ARHGAP15: variants seen among roughly 807,000 people sequenced by gnomAD.
ARHGAP15 encodes the protein Rho GTPase activating protein 15.
Under a neutral mutation model 63.7 loss-of-function variants are expected in ARHGAP15, and 51 were observed. That is an observed-to-expected ratio of 0.80 (90% confidence interval 0.64 to 1.01). The LOEUF (loss-of-function observed/expected upper bound fraction) is 1.01, where lower values mean the gene tolerates loss of function less well. Among genes scored for constraint, ARHGAP15 ranks in the 50% least tolerant of loss-of-function variants. The pLI, the probability that ARHGAP15 is intolerant of heterozygous loss-of-function variation, is 0.00. For missense variants in ARHGAP15, 560 were observed against 564.6 expected (o/e 0.99, Z 0.08); for synonymous variants, 191 against 193.8 (o/e 0.99, Z 0.12).
chr2:143,222,492 T>A (rs535299839), intron 4 of ARHGAP15, among the ~76,000 whole-genome samples: 29 of 152,330 alleles, frequency 1.9e-4, no homozygotes, highest in African/African-American at 6.5e-4. Context: ...AATGAATGTG[T>A]TAAACCCGGA....
intron 12 of ARHGAP15, among the ~76,000 whole-genome samples, chr2:143,678,303 C>T (rs1174605797): frequency 6.6e-6 from 1 of 152,160 alleles, no homozygotes; most frequent in Non-Finnish European, 1.5e-5. Context: ...TTCTTTTAGA[C>T]CAAGCTTAAC....
intron 5 of ARHGAP15, among the ~76,000 whole-genome samples, chr2:143,246,309 A>G (rs972319812): frequency 1.3e-5 from 2 of 152,006 alleles, no homozygotes; most frequent in African/African-American, 4.8e-5. Flanking sequence ...AGAGGAAGCT[A>G]TCATTAAACT....
chr2:143,375,448 G>C (rs1346288441), intron 6 of ARHGAP15, among the ~76,000 whole-genome samples: 1 of 152,030 alleles, frequency 6.6e-6, no homozygotes, highest in African/African-American at 2.4e-5. Flanking sequence ...AAGTACCCTG[G>C]GAATCACAGT....
At chr2:143,251,109 T>C (rs1319152103) in intron 6 of ARHGAP15, among the ~76,000 whole-genome samples, 1 of 152,082 alleles carries the variant, frequency 6.6e-6, no homozygotes, top group Non-Finnish European at 1.5e-5. Flanking sequence ...AGTTGATTAA[T>C]AATTGCAATC....
intron 10 of ARHGAP15, among the ~76,000 whole-genome samples, chr2:143,541,022 T>A (rs968456149): frequency 3.9e-5 from 6 of 152,186 alleles, no homozygotes; most frequent in Admixed American, 3.9e-4. Flanking sequence ...ACCTATCAAA[T>A]GTAGGTTTGG....
intron 13 of ARHGAP15, among the ~76,000 whole-genome samples, chr2:143,757,671 GA>G (rs1433041987): frequency 6.6e-6 from 1 of 151,952 alleles, no homozygotes; most frequent in Non-Finnish European, 1.5e-5. Flanking sequence ...ATGTCATAGG[GA>G]AAATCAGCTG....
At chr2:143,463,574 G>T (rs1035532289) in intron 8 of ARHGAP15, among the ~76,000 whole-genome samples, 4 of 151,706 alleles carry the variant, frequency 2.6e-5, no homozygotes, top group African/African-American at 7.3e-5. Context: ...TTATAGATAG[G>T]GGTGTCTATA....
intron 1 of ARHGAP15, among the ~76,000 whole-genome samples, chr2:143,132,914 T>C (rs1442211520): frequency 6.6e-6 from 1 of 151,950 alleles, no homozygotes; most frequent in African/African-American, 2.4e-5. Context: ...CTACTGTATG[T>C]TTGACAACTC....
chr2:143,718,535 C>G (rs1684910447), intron 13 of ARHGAP15, among the ~76,000 whole-genome samples: 1 of 152,228 alleles, frequency 6.6e-6, no homozygotes, highest in Admixed American at 6.5e-5. Flanking sequence ...GCCAAACTCA[C>G]AAGTTTTACA....
intron 12 of ARHGAP15, among the ~76,000 whole-genome samples, chr2:143,667,477 G>A (rs1332342977): frequency 4.8e-5 from 7 of 147,060 alleles, no homozygotes; most frequent in South Asian, 2.2e-4. Flanking sequence ...GCTAGATGAC[G>A]AGTTAGTGGG....
At chr2:143,203,959 G>A (rs938907980) in intron 3 of ARHGAP15, among the ~76,000 whole-genome samples, 4 of 151,976 alleles carry the variant, frequency 2.6e-5, no homozygotes, top group Admixed American at 1.3e-4. Context: ...AACTGATCCC[G>A]ATTTTTGCCC....
chr2:143,148,506 A>C (rs1689682295), intron 1 of ARHGAP15, among the ~76,000 whole-genome samples: 1 of 152,040 alleles, frequency 6.6e-6, no homozygotes, highest in Admixed American at 6.6e-5. Flanking sequence ...TACTTTTAAA[A>C]AATATTTTAC....
chr2:143,627,692 C>A (rs1035368831), intron 12 of ARHGAP15, among the ~76,000 whole-genome samples: 4 of 152,060 alleles, frequency 2.6e-5, no homozygotes, highest in African/African-American at 9.7e-5. Flanking sequence ...ATTCACAGGA[C>A]AGGATGAATT....
At chr2:143,595,154 C>G (rs138528034) in intron 11 of ARHGAP15, among the ~76,000 whole-genome samples, 1 of 152,022 alleles carries the variant, frequency 6.6e-6, no homozygotes, top group Non-Finnish European at 1.5e-5. Context: ...AATACTTATT[C>G]GAACATTGTT....
chr2:143,631,119 T>C (rs1346089787), intron 12 of ARHGAP15, among the ~76,000 whole-genome samples: 1 of 152,110 alleles, frequency 6.6e-6, no homozygotes, highest in East Asian at 1.9e-4. Context: ...CTTTTTTTCA[T>C]TCAACATAAT....
chr2:143,556,804 T>G (rs1487364344), intron 11 of ARHGAP15, among the ~76,000 whole-genome samples: 2 of 152,038 alleles, frequency 1.3e-5, no homozygotes, highest in African/African-American at 2.4e-5. Flanking sequence ...TGGCTTATAA[T>G]GGACACTTAC....
At chr2:143,155,896 C>T (rs1386332875) in intron 2 of ARHGAP15, among the ~76,000 whole-genome samples, 1 of 151,774 alleles carries the variant, frequency 6.6e-6, no homozygotes. Context: ...GCACCTTTGA[C>T]TCATTTTAAG....
At chr2:143,390,914 T>C (rs934061210) in intron 6 of ARHGAP15, among the ~76,000 whole-genome samples, 2 of 152,216 alleles carry the variant, frequency 1.3e-5, no homozygotes, top group Non-Finnish European at 2.9e-5. Flanking sequence ...AAAGCCGTAT[T>C]GATTGTTGCT....
chr2:143,429,612 A>T (rs1469447200), intron 6 of ARHGAP15, among the ~76,000 whole-genome samples: 1 of 152,138 alleles, frequency 6.6e-6, no homozygotes, highest in Non-Finnish European at 1.5e-5. Flanking sequence ...CCCCAAACAC[A>T]TTGAAAACAT....
Sources: allele counts gnomAD v4.1 joint callset (sites outside exome capture counted in the v4.1 genomes callset), GRCh38; gene constraint gnomAD v4.1.1; transcripts MANE v1.5; gene names NCBI Gene and HGNC (gene_info 2026-07-23, HGNC 2026-07-21).